Variants in NRCAM observed in about 807,000 individuals in gnomAD.
NRCAM encodes the protein NgCAM-related cell adhesion molecule.
Under a neutral mutation model 156.5 loss-of-function variants are expected in NRCAM, and 83 were observed. That is an observed-to-expected ratio of 0.53 (90% CI 0.44 to 0.64). NRCAM has a LOEUF of 0.64. NRCAM is among the 30% of genes least tolerant of loss of function. The pLI is 0.00. For synonymous variants in NRCAM, 538 were observed against 563.9 expected, an observed-to-expected ratio of 0.95 and a Z score of 0.65; for missense variants, 1,417 against 1,597.3, an observed-to-expected ratio of 0.89 and a Z score of 1.92.
At chr7:108,420,039 CGTGTGTGTGTGTGTGTGT>C (rs35840496) in intron 1 of NRCAM, among the ~76,000 whole-genome samples, 1 of 146,744 alleles carries the variant, frequency 6.8e-6, no homozygotes, top group South Asian at 2.2e-4. Flanking sequence ...TTAGTTCCAT[CGTGTGTGTGTGTGTGTGT>C]GTGTGTGTGT....
chr7:108,202,173 ATAACT>A lies in NRCAM; in HGVS notation c.1208-4079_1208-4075del, dbSNP rs139323072. Among the ~76,000 whole-genome samples the A allele has an allele frequency of 7.8e-3, 1,187 of 152,320 alleles. 12 individuals are homozygous for A. The highest frequency in any genetic ancestry group is 0.024 in the African/African-American group (1,016 of 41,564). ...ATTTAAAAGCACAGAATCCCTACAA[ATAACT>A]TAAAGCCACAAAGATAAGGTCCAGA... On this transcript the variant is annotated intron_variant, in intron 13 of 32. Coordinates refer to ENST00000379028, the MANE Select transcript of NRCAM (RefSeq NM_001037132.4).
intron 3 of NRCAM, among the ~76,000 whole-genome samples, chr7:108,309,112 T>G (rs2098761662): frequency 6.6e-6 from 1 of 152,174 alleles, no homozygotes; most frequent in Non-Finnish European, 1.5e-5. Context: ...AATGCTGCAT[T>G]TCAGTGGTAA....
At chr7:108,349,964 G>A (rs535642647) in intron 2 of NRCAM, among the ~76,000 whole-genome samples, 1 of 152,240 alleles carries the variant, frequency 6.6e-6, no homozygotes, top group Non-Finnish European at 1.5e-5. Flanking sequence ...TGTGATCAAA[G>A]GCATTCCCTA....
At chr7:108,373,240 T>A (rs1033695698) in intron 2 of NRCAM, among the ~76,000 whole-genome samples, 1 of 152,146 alleles carries the variant, frequency 6.6e-6, no homozygotes, top group Admixed American at 6.6e-5. Flanking sequence ...AAAGTTTTAA[T>A]TAAGCAAGAT....
chr7:108,182,846 A>C lies in NRCAM; in HGVS notation c.2379T>G (p.Asp793Glu). The change falls in exon 23 of 33, where the codon GAT becomes GAG. Residue 793 changes from aspartate to glutamate, a missense_variant. By Grantham distance (45) the Asp-to-Glu change is conservative. Transcript: ENST00000379028. ...KVSWRQKDGD[D>E]EWTSVVVANV... ...TTGCCACAACCACAGATGTCCATTC[A>C]TCATCACCATCTTTCTGGCGCCAGC... The C allele has an allele frequency of 6.2e-7, 1 of 1,614,262 alleles. No individual in the cohort carries two copies. Among genetic ancestry groups the C allele is most frequent in the Non-Finnish European group, 8.5e-7 (1 of 1,180,046 alleles).
chr7:108,204,171 G>A (rs931160256), intron 13 of NRCAM, among the ~76,000 whole-genome samples: 1 of 152,204 alleles, frequency 6.6e-6, no homozygotes, highest in African/African-American at 2.4e-5. Flanking sequence ...TTACCAAGAA[G>A]GGGATGAAAA....
Position 108,191,827 on chromosome 7 carries a change from A to T in NRCAM, c.1805T>A (p.Val602Glu). 2 of 1,613,694 alleles carry T rather than the reference A, an allele frequency of 1.2e-6. No individual in the cohort carries two copies. The highest frequency in any genetic ancestry group is 1.7e-6 in the Non-Finnish European group (2 of 1,179,964). ...GTCATCGTCACTGACATCAGCTACCACTAGATGATCCTTGTCAACAGTGAA... is the reference window on the plus strand; with the variant it reads ...GTCATCGTCACTGACATCAGCTACCTCTAGATGATCCTTGTCAACAGTGAA... ...ERFTVDKDHL[V>E]VADVSDDDSG... is the part of the protein sequence containing the mutation. Residue 602 changes from valine to glutamate, a missense_variant, in exon 18 of 33, where the codon GTG (valine) becomes GAG (glutamate). Coordinates refer to ENST00000379028, the MANE Select transcript of NRCAM (RefSeq NM_001037132.4).
chr7:108,180,461 A>G, intron 24 of NRCAM, 34 bp from the exon 25 acceptor site: 2 of 1,545,898 alleles, frequency 1.3e-6, no homozygotes, highest in Non-Finnish European at 1.8e-6. Flanking sequence ...AGGAATGCAG[A>G]AAGGAGCAAA....
chr7:108,334,901 A>C (rs1235103336), intron 2 of NRCAM, among the ~76,000 whole-genome samples: 1 of 152,230 alleles, frequency 6.6e-6, no homozygotes, highest in Admixed American at 6.5e-5. Context: ...AAAGAGACAA[A>C]TTAGGAAACA....
intron 3 of NRCAM, among the ~76,000 whole-genome samples, chr7:108,294,840 C>T (rs992154834): frequency 6.6e-6 from 1 of 150,804 alleles, no homozygotes; most frequent in Non-Finnish European, 1.5e-5. Flanking sequence ...TTTATACTTC[C>T]TGCCCCGCAG....
intron 3 of NRCAM, among the ~76,000 whole-genome samples, chr7:108,268,644 G>A (rs1298093003): frequency 2.7e-4 from 35 of 129,894 alleles, no homozygotes; most frequent in African/African-American, 9.4e-4. Flanking sequence ...GTTGGGGGGG[G>A]CGGCGGTGGC....
chr7:108,173,597 G>A (rs1489389338), intron 28 of NRCAM, among the ~76,000 whole-genome samples: 1 of 152,146 alleles, frequency 6.6e-6, no homozygotes, highest in Non-Finnish European at 1.5e-5. Flanking sequence ...ATCCTCTTAT[G>A]TAAGCCATAC....
intron 11 of NRCAM, among the ~76,000 whole-genome samples, chr7:108,221,446 C>T (rs1159860318): frequency 2.0e-5 from 3 of 152,156 alleles, no homozygotes; most frequent in African/African-American, 7.2e-5. Context: ...AGGGAACCAA[C>T]CCAAATGCCC....
At chr7:108,444,423 CTG>C (rs1480562998) in intron 1 of NRCAM, among the ~76,000 whole-genome samples, 2 of 151,674 alleles carry the variant, frequency 1.3e-5, no homozygotes, top group African/African-American at 4.8e-5. Context: ...TTATTGTATT[CTG>C]TATTAGTTTG....
At position 108,433,549 on chromosome 7, in the gene NRCAM, G is replaced by C. The variant is rs145575487; in HGVS notation, c.-332+22694C>G. Among the ~76,000 whole-genome samples, 375 of 152,270 alleles carry C rather than the reference G, an allele frequency of 2.5e-3. 1 individual carries two copies. The highest frequency in any genetic ancestry group is 8.7e-3 in the African/African-American group (360 of 41,536). ...TAAAGGAAGGTTTCTGGGTCACAGG[G>C]GCAGATCTCTAGTGAATTGGCTAAT... On this transcript the variant is annotated intron_variant, in intron 1 of 32. Coordinates refer to ENST00000379028, the MANE Select transcript of NRCAM (RefSeq NM_001037132.4).
At chr7:108,271,489 G>C (rs1405633531) in intron 3 of NRCAM, among the ~76,000 whole-genome samples, 1 of 152,138 alleles carries the variant, frequency 6.6e-6, no homozygotes, top group East Asian at 1.9e-4. Flanking sequence ...CTTGAGATCA[G>C]GAGTTTGAGA....
rs71522858 is a variant in NRCAM at position 108,201,176 on chromosome 7, T to TAAAA, written c.1208-3081_1208-3078dup. On this transcript the variant is annotated intron_variant, in intron 13 of 32. Coordinates refer to ENST00000379028, the MANE Select transcript of NRCAM (RefSeq NM_001037132.4). Reference sequence around the variant, plus strand: ...AAACAAACTAAATTTTTAAGGTCGGTAAAAAAAAAAAAAAAAGAAAAAGAT... The same window carrying TAAAA: ...AAACAAACTAAATTTTTAAGGTCGGTAAAAAAAAAAAAAAAAAAAAGAAAAAGAT... Among the ~76,000 whole-genome samples, 210 of 130,632 alleles carry TAAAA rather than the reference T, an allele frequency of 1.6e-3. 3 individuals carry two copies. The highest frequency in any genetic ancestry group is 1.3e-3 in the African/African-American group (46 of 36,172). 85.7% of individuals were successfully genotyped at this position (130,632 alleles called of 152,430 possible). A position where few individuals can be genotyped will look rare whatever the true frequency, so the allele number is the denominator to read the frequency against.
intron 2 of NRCAM, among the ~76,000 whole-genome samples, chr7:108,322,639 T>C (rs771871506): frequency 1.8e-4 from 28 of 152,164 alleles, no homozygotes; most frequent in Non-Finnish European, 3.5e-4. Flanking sequence ...TATAGATATC[T>C]CGGTAGTGTC....
chr7:108,184,134 T>C, intron 22 of NRCAM, 107 bp downstream of exon 22: 2 of 656,740 alleles, frequency 3.0e-6, no homozygotes, highest in African/African-American at 3.7e-5. Flanking sequence ...ATATATTTTT[T>C]TTCCCCAGAA....
Sources: allele counts gnomAD v4.1 joint callset (sites outside exome capture counted in the v4.1 genomes callset), GRCh38; gene constraint gnomAD v4.1.1; transcripts MANE v1.5; gene names NCBI Gene and HGNC (gene_info 2026-07-23, HGNC 2026-07-21).